The following SLAIN2 variants were observed in gnomAD, a reference collection of about 807,000 sequenced individuals.
SLAIN2 encodes SLAIN motif-containing protein 2.
A neutral mutation model predicts 56.6 loss-of-function variants in SLAIN2; 31 were observed. The observed-to-expected ratio is 0.55, with a 90% CI of 0.41 to 0.74. The LOEUF (loss-of-function observed/expected upper bound fraction) is 0.74. Ranked by LOEUF, SLAIN2 falls within the 30% of genes least tolerant of loss-of-function variation. The probability of loss-of-function intolerance (pLI) is 0.00; values close to 1 mark genes in which losing one functional copy is unlikely to be tolerated. For missense variants in SLAIN2, 777 were observed against 754.2 expected (o/e 1.03, Z -0.35); for synonymous variants, 317 against 284.9 (o/e 1.11, Z -1.13).
chr4:48,387,120 G>A (rs543302330), intron 6 of SLAIN2, among the ~76,000 whole-genome samples: 2 of 151,926 alleles, frequency 1.3e-5, no homozygotes. Context: ...CCTCTACCTC[G>A]TCCCCTCATA....
At chr4:48,357,817 A>G (rs1715201279) in intron 1 of SLAIN2, among the ~76,000 whole-genome samples, 1 of 152,126 alleles carries the variant, frequency 6.6e-6, no homozygotes, top group Non-Finnish European at 1.5e-5. Flanking sequence ...GGCCTTCCAA[A>G]GTGCTGGGAT....
chr4:48,349,842 G>A (rs897032130), intron 1 of SLAIN2, among the ~76,000 whole-genome samples: 5 of 152,156 alleles, frequency 3.3e-5, no homozygotes, highest in African/African-American at 1.2e-4. Flanking sequence ...TTGAGTAACT[G>A]CCATAGGTGG....
At chr4:48,357,561 T>C (rs550987978) in intron 1 of SLAIN2, among the ~76,000 whole-genome samples, 162 of 150,556 alleles carry the variant, frequency 1.1e-3, no homozygotes, top group Non-Finnish European at 1.6e-3. Flanking sequence ...TTTATTTTTT[T>C]CCCCCAAGAT....
intron 6 of SLAIN2, among the ~76,000 whole-genome samples, chr4:48,407,921 A>G (rs1233218678): frequency 6.6e-6 from 1 of 152,220 alleles, no homozygotes; most frequent in Non-Finnish European, 1.5e-5. Flanking sequence ...CCTATGTTGG[A>G]CATTGGATAT....
intron 1 of SLAIN2, among the ~76,000 whole-genome samples, chr4:48,355,229 G>T (rs1715127433): frequency 6.6e-6 from 1 of 152,198 alleles, no homozygotes; most frequent in Admixed American, 6.6e-5. Flanking sequence ...GCTCTCTTAT[G>T]ATTCTTCATA....
intron 1 of SLAIN2, among the ~76,000 whole-genome samples, chr4:48,358,582 C>G (rs1411958804): frequency 6.6e-6 from 1 of 152,142 alleles, no homozygotes; most frequent in Non-Finnish European, 1.5e-5. Flanking sequence ...TCCCAGAGTG[C>G]TGGGATTACA....
intron 2 of SLAIN2, among the ~76,000 whole-genome samples, chr4:48,374,995 A>T (rs1197768487): frequency 6.6e-6 from 1 of 152,208 alleles, no homozygotes; most frequent in Non-Finnish European, 1.5e-5. Flanking sequence ...TGGGTGGTGT[A>T]TATAGGTCTG....
intron 6 of SLAIN2, among the ~76,000 whole-genome samples, chr4:48,416,896 AAGC>A (rs1184175566): frequency 1.7e-5 from 2 of 119,304 alleles, no homozygotes; most frequent in East Asian, 4.5e-4. Flanking sequence ...CTACAAGAGA[AAGC>A]AGGAAAGATC....
rs1214885438 is a variant in SLAIN2, at chr4:48,425,330, T to A, written c.*3253T>A. ...TATAAAAAGCTAGCATTTGCCTAGA[T>A]CATAACTATGTATGGTATCTAGTTA... is the stretch of plus-strand genomic sequence containing the variant. On this transcript the variant is annotated 3_prime_UTR_variant, in exon 8 of 8. Transcript: ENST00000264313. 6.6e-6 allele frequency: 1 copy of A among 152,288 alleles called. No homozygotes were observed. The highest frequency in any genetic ancestry group is 1.9e-4 in the East Asian group (1 of 5,184). The allele number at this position is 152,288 out of a possible 1,614,324, so 9.4% of individuals were successfully genotyped here. A position where few individuals can be genotyped will look rare whatever the true frequency, so the allele number is the denominator to read the frequency against.
intron 6 of SLAIN2, among the ~76,000 whole-genome samples, chr4:48,395,329 CTATCCA>C (rs1716348186): frequency 6.6e-6 from 1 of 151,854 alleles, no homozygotes; most frequent in Non-Finnish European, 1.5e-5. Context: ...AGTATTTTTC[CTATCCA>C]GAACATGTAG....
At chr4:48,395,477 C>T (rs17609549) in intron 6 of SLAIN2, among the ~76,000 whole-genome samples, 8,879 of 151,264 alleles carry the variant, frequency 0.059, 415 homozygotes, top group East Asian at 0.17. Flanking sequence ...AATTTGGTTA[C>T]GTTTACAAAA....
intron 6 of SLAIN2, among the ~76,000 whole-genome samples, chr4:48,410,228 A>C (rs529142636): frequency 6.8e-6 from 1 of 147,014 alleles, no homozygotes; most frequent in East Asian, 2.0e-4. Context: ...GGCCATTTGT[A>C]TATCTTCTTT....
At chr4:48,363,372 C>T (rs1459344929) in intron 1 of SLAIN2, among the ~76,000 whole-genome samples, 13 of 79,122 alleles carry the variant, frequency 1.6e-4, no homozygotes, top group African/African-American at 5.0e-4. Context: ...CCGGACGGGG[C>T]GGCTGGCCGG....
At chr4:48,343,407 T>G (rs1300777630) in intron 1 of SLAIN2, among the ~76,000 whole-genome samples, 1 of 152,250 alleles carries the variant, frequency 6.6e-6, no homozygotes. Flanking sequence ...TTAAGCCTAG[T>G]TACTTAAATC....
At chr4:48,413,227 CAAA>C (rs10572522) in intron 6 of SLAIN2, among the ~76,000 whole-genome samples, 42,368 of 144,786 alleles carry the variant, frequency 0.29, 6,110 homozygotes, top group South Asian at 0.45. Context: ...GACTCTGCCT[CAAA>C]AAAAAAAAAA....
intron 6 of SLAIN2, among the ~76,000 whole-genome samples, chr4:48,419,166 G>T (rs574808451): frequency 1.3e-5 from 2 of 151,260 alleles, no homozygotes; most frequent in African/African-American, 4.9e-5. Context: ...GCAGTACCGC[G>T]ATCCCCGCTT....
At position 48,369,893 on chromosome 4, in the gene SLAIN2, C is replaced by T. The variant is rs771548777; in HGVS notation, c.434C>T (p.Ser145Leu). The T allele has an allele frequency of 2.4e-5, 38 of 1,613,566 alleles. No homozygotes were observed. The highest frequency in any genetic ancestry group is 6.6e-5 in the South Asian group (6 of 91,016). The change falls in exon 2 of 8, where the codon TCG (serine) becomes TTG (leucine). Residue 145 changes from serine to leucine, a missense_variant. Coordinates refer to ENST00000264313, the MANE Select transcript of SLAIN2 (RefSeq NM_020846.2). ...PKKKLTPMQK[S>L]VSPLVWCRQV... Reference sequence around the variant, plus strand: ...AAAAAACTTACACCAATGCAGAAATCGGTTAGTCCATTAGTTTGGTGCAGG... The same window carrying T: ...AAAAAACTTACACCAATGCAGAAATTGGTTAGTCCATTAGTTTGGTGCAGG...
At chr4:48,413,841 A>G (rs898564066) in intron 6 of SLAIN2, among the ~76,000 whole-genome samples, 4 of 152,174 alleles carry the variant, frequency 2.6e-5, no homozygotes, top group African/African-American at 4.8e-5. Flanking sequence ...TAACTTTTGT[A>G]TTGCTAGGTA....
At chr4:48,366,280 TTTCTG>T (rs1409165824) in intron 1 of SLAIN2, among the ~76,000 whole-genome samples, 1 of 152,190 alleles carries the variant, frequency 6.6e-6, no homozygotes, top group Non-Finnish European at 1.5e-5. Context: ...AAGAGTGTGT[TTTCTG>T]TTACTGTTGG....
Sources: gnomAD v4.1 joint callset for allele counts (sites outside exome capture counted in the v4.1 genomes callset) on GRCh38, gnomAD v4.1.1 for gene constraint, MANE v1.5 for transcripts, NCBI Gene and HGNC (gene_info 2026-07-23, HGNC 2026-07-21) for gene names.